DNER: variants seen among roughly 807,000 people sequenced by gnomAD.
DNER encodes delta/notch like EGF repeat containing, also known as delta and Notch-like epidermal growth factor-related receptor.
Under a neutral mutation model 78.2 loss-of-function variants are expected in DNER, and 33 were observed. The ratio of observed to expected loss-of-function variants is 0.42; its 90% confidence interval spans 0.32 to 0.56. The LOEUF (loss-of-function observed/expected upper bound fraction) is 0.56, where lower values mean the gene tolerates loss of function less well. DNER is among the 20% of genes least tolerant of loss of function. The pLI is 0.11. For missense variants in DNER, 918 were observed against 975.3 expected, an observed-to-expected ratio of 0.94 and a Z score of 0.78; for synonymous variants, 417 against 384.8, an observed-to-expected ratio of 1.08 and a Z score of -0.98.
In DNER at chr2:229,569,042, C is replaced by T. The variant is rs1427813875; in HGVS notation, c.847+16816G>A. Among the ~76,000 whole-genome samples, 7 of 151,702 alleles carry T rather than the reference C, an allele frequency of 4.6e-5. No individual in the cohort carries two copies. The South Asian group carries it at 6.3e-4, about 14-fold the overall frequency. On this transcript the variant is annotated intron_variant, in intron 4 of 12. Coordinates refer to ENST00000341772, the MANE Select transcript of DNER (RefSeq NM_139072.4). ...GTATGCATGTGCCTATGGATGGATG[C>T]GTATCTATGTCTGTGTATATACATG... is the stretch of plus-strand genomic sequence containing the variant.
In DNER at chr2:229,572,297, C is replaced by T. The variant is rs545761614; in HGVS notation, c.847+13561G>A. On this transcript the variant is annotated intron_variant, in intron 4 of 12. Transcript: ENST00000341772. ...AACTTGCGATGTGAATTCATGTAGA[C>T]CCTAAATGGACTGTACAGTTCATCT... Among the ~76,000 whole-genome samples, 138 of 152,272 alleles carry T rather than the reference C, an allele frequency of 9.1e-4. 1 individual carries two copies. Among genetic ancestry groups the T allele is most frequent in the African/African-American group, 3.1e-3 (130 of 41,558 alleles).
At chr2:229,603,437 G>A (rs752751854) in intron 1 of DNER, among the ~76,000 whole-genome samples, 10 of 152,116 alleles carry the variant, frequency 6.6e-5, no homozygotes, top group Non-Finnish European at 1.0e-4. Flanking sequence ...ATATTAATGA[G>A]CTGGATGACA....
rs570928669 is a variant in DNER at position 229,462,477 on chromosome 2, A to AC, written c.1261+14662dup. On this transcript the variant is annotated intron_variant, in intron 7 of 12. Transcript: ENST00000341772. ...ATACCTGATTGTTTTTCTTCTCTGA[A>AC]CCCCCATATCCATCCAATTAGTGGA... Among the ~76,000 whole-genome samples, 15 of 151,984 alleles carry AC rather than the reference A, an allele frequency of 9.9e-5. No individual in the cohort carries two copies. In the South Asian group the frequency reaches 1.0e-3, roughly 11 times the overall value.
At chr2:229,633,905 T>C (rs1437182569) in intron 1 of DNER, among the ~76,000 whole-genome samples, 2 of 152,246 alleles carry the variant, frequency 1.3e-5, no homozygotes, top group Admixed American at 1.3e-4. Flanking sequence ...ACAGAAGCAC[T>C]ATTTTATTCA....
Position 229,547,076 on chromosome 2 carries a change from A to G in DNER, c.864T>C (p.Ser288=). The change falls in exon 5 of 13, where the codon TCT becomes TCC. Residue 288 remains serine (S), a synonymous_variant. Coordinates refer to ENST00000341772, the MANE Select transcript of DNER (RefSeq NM_139072.4). ...NNHFIGFVND[S]VTKSIVALRL... Reference sequence around the variant, plus strand: ...GCAAAGCCACAATAGACTTAGTCACAGAATCATTCACAAAACCTAAAAGAA... The same window carrying G: ...GCAAAGCCACAATAGACTTAGTCACGGAATCATTCACAAAACCTAAAAGAA... 6.2e-7 allele frequency: 1 copy of G among 1,614,114 alleles called. No individual in the cohort carries two copies.
At chr2:229,713,886 C>G (rs1699948034) in intron 1 of DNER, among the ~76,000 whole-genome samples, 1 of 152,242 alleles carries the variant, frequency 6.6e-6, no homozygotes, top group East Asian at 1.9e-4. Context: ...CGTCTAGAGC[C>G]CCGCGCGAGA....
At chr2:229,631,430 C>T (rs1449048562) in intron 1 of DNER, among the ~76,000 whole-genome samples, 1 of 152,186 alleles carries the variant, frequency 6.6e-6, no homozygotes, top group Non-Finnish European at 1.5e-5. Flanking sequence ...GAGCTCCCCT[C>T]CAGCTTCTTC....
At chr2:229,517,553 C>G (rs1394791459) in intron 5 of DNER, among the ~76,000 whole-genome samples, 1 of 152,166 alleles carries the variant, frequency 6.6e-6, no homozygotes, top group Non-Finnish European at 1.5e-5. Context: ...CAAGGTGGAC[C>G]ATGCCTCACA....
chr2:229,706,748 T>C (rs1699833597), intron 1 of DNER, among the ~76,000 whole-genome samples: 1 of 152,210 alleles, frequency 6.6e-6, no homozygotes. Flanking sequence ...AATGTGAGTT[T>C]TTTTTAATGT....
chr2:229,622,555 CTG>C (rs1491364237), intron 1 of DNER, among the ~76,000 whole-genome samples: 2,762 of 151,564 alleles, frequency 0.018, 34 homozygotes, highest in Non-Finnish European at 0.031. Context: ...GAGCCACGGA[CTG>C]TGTTACAAGC....
chr2:229,714,167 A>G lies in DNER; in HGVS notation c.257T>C (p.Ile86Thr). 2 of 1,325,906 alleles carry G rather than the reference A, an allele frequency of 1.5e-6. No individual in the cohort carries two copies. The highest frequency in any genetic ancestry group is 9.6e-7 in the Non-Finnish European group (1 of 1,042,076). 82.1% of individuals were successfully genotyped at this position (1,325,906 alleles called of 1,614,324 possible). A position where few individuals can be genotyped will look rare whatever the true frequency, so the allele number is the denominator to read the frequency against. The change falls in exon 1 of 13, where the codon ATC (isoleucine) becomes ACC (threonine). Residue 86 changes from isoleucine to threonine, a missense_variant. By Grantham distance (89) the Ile-to-Thr change is moderately conservative. Coordinates refer to ENST00000341772, the MANE Select transcript of DNER (RefSeq NM_139072.4). Reference protein sequence around the residue: ...PGYSCTCPAGISGANCQLVAD... With the variant: ...PGYSCTCPAGTSGANCQLVAD... ...ACTCACCTGGCAGTTGGCGCCGGAG[A>G]TCCCGGCGGGGCAGGTGCAGCTGTA...
chr2:229,512,640 C>T, intron 6 of DNER, 143 bp downstream of exon 6: 1 of 1,192,334 alleles, frequency 8.4e-7, no homozygotes, highest in Non-Finnish European at 1.2e-6. Flanking sequence ...GATGAGTGCA[C>T]CAAAACCTCA....
chr2:229,470,467 A>T (rs1694901877), intron 7 of DNER, among the ~76,000 whole-genome samples: 1 of 151,982 alleles, frequency 6.6e-6, no homozygotes, highest in Admixed American at 6.6e-5. Flanking sequence ...TTATTTAAAC[A>T]ACCTCAGAGA....
intron 6 of DNER, among the ~76,000 whole-genome samples, chr2:229,492,894 C>T (rs1248195965): frequency 6.6e-6 from 1 of 152,172 alleles, no homozygotes; most frequent in African/African-American, 2.4e-5. Flanking sequence ...TGGTCTCAAA[C>T]TCATGGCCTC....
rs1048242069 is a variant in DNER, at chr2:229,642,000, G to A, written c.277-50112C>T. Among the ~76,000 whole-genome samples the A allele has an allele frequency of 3.9e-4, 60 of 152,158 alleles. 2 individuals carry two copies. Among genetic ancestry groups the A allele is most frequent in the Admixed American group, 3.8e-3 (58 of 15,274 alleles). ...AGAGAGAAAGTAATCAGAGAAGGGA[G>A]AAACAAGGAACACACCTGTGGAAGA... On this transcript the variant is annotated intron_variant, in intron 1 of 12. Coordinates refer to ENST00000341772, the MANE Select transcript of DNER (RefSeq NM_139072.4).
At chr2:229,387,888 TG>T (rs1559338099) in intron 11 of DNER, among the ~76,000 whole-genome samples, 15 of 127,958 alleles carry the variant, frequency 1.2e-4, no homozygotes, top group South Asian at 2.5e-4. Flanking sequence ...TGTGTGTGTG[TG>T]TGTTTTTTAA....
intron 4 of DNER, among the ~76,000 whole-genome samples, chr2:229,560,264 G>A (rs1696929639): frequency 6.6e-6 from 1 of 152,150 alleles, no homozygotes; most frequent in Non-Finnish European, 1.5e-5. Context: ...CCTGTTAAAG[G>A]GAAAGCATAA....
intron 4 of DNER, among the ~76,000 whole-genome samples, chr2:229,561,240 T>C (rs1316491792): frequency 2.6e-5 from 4 of 152,184 alleles, no homozygotes; most frequent in Non-Finnish European, 4.4e-5. Context: ...TTTACCTTTG[T>C]CACTTATGTA....
At chr2:229,570,479 TAGTC>T (rs545591743) in intron 4 of DNER, among the ~76,000 whole-genome samples, 20 of 152,026 alleles carry the variant, frequency 1.3e-4, no homozygotes, top group Non-Finnish European at 2.8e-4. Flanking sequence ...ATATGAAAAT[TAGTC>T]AGGCATGGTG....
Sources: gnomAD v4.1 joint callset for allele counts (sites outside exome capture counted in the v4.1 genomes callset) on GRCh38, gnomAD v4.1.1 for gene constraint, MANE v1.5 for transcripts, NCBI Gene and HGNC (gene_info 2026-07-23, HGNC 2026-07-21) for gene names.